The following TTLL5 variants were observed in gnomAD, a reference collection of about 807,000 sequenced individuals.
TTLL5 encodes tubulin tyrosine ligase like 5.
A neutral mutation model predicts 168.4 loss-of-function variants in TTLL5; 132 were observed. The ratio of observed to expected loss-of-function variants is 0.78; its 90% CI spans 0.68 to 0.91. The LOEUF is 0.91. TTLL5 is among the 40% of genes least tolerant of loss of function. The pLI, the probability that TTLL5 is intolerant of heterozygous loss-of-function variation, is 0.00. For missense variants in TTLL5, 1,545 were observed against 1,581.5 expected (o/e 0.98, Z 0.39); for synonymous variants, 546 against 558.6 (o/e 0.98, Z 0.32).
chr14:75,844,156 C>T (rs913064918), intron 28 of TTLL5, among the ~76,000 whole-genome samples: 2 of 152,146 alleles, frequency 1.3e-5, no homozygotes, highest in Non-Finnish European at 2.9e-5. Flanking sequence ...GCTGGGATTA[C>T]AGACGTGAGC....
At chr14:75,925,896 G>A (rs542147983) in intron 31 of TTLL5, among the ~76,000 whole-genome samples, 3 of 151,990 alleles carry the variant, frequency 2.0e-5, no homozygotes, top group Non-Finnish European at 4.4e-5. Context: ...AAAAAAGTAC[G>A]AAAACCAGTC....
intron 31 of TTLL5, among the ~76,000 whole-genome samples, chr14:75,911,987 G>T (rs1325561649): frequency 6.6e-6 from 1 of 152,216 alleles, no homozygotes; most frequent in Admixed American, 6.5e-5. Flanking sequence ...TCAGTCTCAA[G>T]AGCCAGACCT....
At chr14:75,944,109 CTCT>C (rs1013928344) in intron 31 of TTLL5, among the ~76,000 whole-genome samples, 1 of 152,148 alleles carries the variant, frequency 6.6e-6, no homozygotes, top group Non-Finnish European at 1.5e-5. Flanking sequence ...TTGCCTTGGT[CTCT>C]TCTTCTGCCT....
intron 28 of TTLL5, among the ~76,000 whole-genome samples, chr14:75,834,157 A>T (rs1338476441): frequency 1.3e-5 from 2 of 152,216 alleles, no homozygotes; most frequent in African/African-American, 4.8e-5. Context: ...AACAAGCTAA[A>T]TCAGAGGAAA....
chr14:75,864,973 A>G (rs2030384801), intron 29 of TTLL5, among the ~76,000 whole-genome samples: 1 of 152,208 alleles, frequency 6.6e-6, no homozygotes, highest in South Asian at 2.1e-4. Context: ...TAGTTCATCA[A>G]TTGATCATCT....
At chr14:75,921,185 C>G (rs2140138697) in intron 31 of TTLL5, among the ~76,000 whole-genome samples, 1 of 152,292 alleles carries the variant, frequency 6.6e-6, no homozygotes, top group East Asian at 1.9e-4. Flanking sequence ...TGCCTGTTCA[C>G]TCTGATGATA....
intron 31 of TTLL5, among the ~76,000 whole-genome samples, chr14:75,951,093 C>T (rs1480365924): frequency 6.6e-6 from 1 of 152,146 alleles, no homozygotes; most frequent in Non-Finnish European, 1.5e-5. Flanking sequence ...CCCATAAACC[C>T]AGCACTTTGG....
Position 75,837,603 on chromosome 14 carries a change from T to G in TTLL5, c.3326+17442T>G, listed in dbSNP as rs1338486598. On this transcript the variant is annotated intron_variant, in intron 28 of 31. Transcript: ENST00000298832. ...TCATTAAGCAATAACTCTACATTCT[T>G]CCCTCCCCCCAACGCCTGGACACTA... 3.9e-5 allele frequency among the ~76,000 whole-genome samples: 6 copies of G among 152,014 alleles called. No homozygotes were observed. The East Asian group carries it at 1.2e-3, about 29-fold the overall frequency.
intron 12 of TTLL5, among the ~76,000 whole-genome samples, chr14:75,731,011 C>T (rs1014504974): frequency 2.0e-5 from 3 of 152,194 alleles, no homozygotes; most frequent in Non-Finnish European, 2.9e-5. Context: ...AGCCACCATA[C>T]CCGGCCTCAT....
At chr14:75,729,865 TCAGCC>T (rs1888421256) in intron 12 of TTLL5, among the ~76,000 whole-genome samples, 1 of 152,220 alleles carries the variant, frequency 6.6e-6, no homozygotes, top group African/African-American at 2.4e-5. Flanking sequence ...ATATTGGTTC[TCAGCC>T]TGTCAACTGA....
In TTLL5 at chr14:75,771,773, G is replaced by A; in HGVS notation, c.2055G>A (p.Gln685=). The change falls in exon 21 of 32, where the codon CAG becomes CAA. Residue 685 remains glutamine, a synonymous_variant. Transcript: ENST00000298832. ...GAATAGCATTCTCTGCCTATCTCCA[G>A]CATGTTCAAATTCGCCTGATGAAAG... ...QARIAFSAYL[Q]HVQIRLMKDS... 1.9e-6 allele frequency: 3 copies of A among 1,614,068 alleles called. No homozygotes were observed. The South Asian group carries it at 3.3e-5, about 18-fold the overall frequency.
chr14:75,927,115 T>C (rs887080127), intron 31 of TTLL5, among the ~76,000 whole-genome samples: 1 of 152,222 alleles, frequency 6.6e-6, no homozygotes, highest in Non-Finnish European at 1.5e-5. Context: ...TTTGTTTTAA[T>C]TTTTGTGGGT....
At chr14:75,713,655 A>T (rs1029565090) in intron 9 of TTLL5, among the ~76,000 whole-genome samples, 1 of 152,238 alleles carries the variant, frequency 6.6e-6, no homozygotes, top group Non-Finnish European at 1.5e-5. Flanking sequence ...TCACTAACAT[A>T]AATGCTCACA....
At chr14:75,856,294 C>T (rs1294152311) in intron 28 of TTLL5, among the ~76,000 whole-genome samples, 4 of 152,076 alleles carry the variant, frequency 2.6e-5, no homozygotes, top group Admixed American at 2.0e-4. Context: ...ACCCAGGAGG[C>T]GGAAGTTGCA....
intron 26 of TTLL5, among the ~76,000 whole-genome samples, chr14:75,785,321 A>G (rs762139168): frequency 1.3e-4 from 20 of 152,074 alleles, no homozygotes; most frequent in Non-Finnish European, 2.2e-4. Context: ...TTGGGACTAC[A>G]GGCACATGCC....
At chr14:75,877,172 A>G (rs117534870) in intron 29 of TTLL5, among the ~76,000 whole-genome samples, 1 of 152,342 alleles carries the variant, frequency 6.6e-6, no homozygotes, top group East Asian at 1.9e-4. Flanking sequence ...TTCATTCTCA[A>G]AAAATGAATT....
At chr14:75,751,691 G>A (rs774283007) in intron 17 of TTLL5, among the ~76,000 whole-genome samples, 1 of 152,160 alleles carries the variant, frequency 6.6e-6, no homozygotes, top group Non-Finnish European at 1.5e-5. Context: ...AGGAGATATG[G>A]GGAGAAGATA....
intron 29 of TTLL5, among the ~76,000 whole-genome samples, chr14:75,871,984 A>G (rs1428976701): frequency 6.6e-6 from 1 of 152,250 alleles, no homozygotes; most frequent in Non-Finnish European, 1.5e-5. Context: ...CACATAAGAT[A>G]CAGACACGTT....
At chr14:75,675,375 C>T (rs981040123) in intron 3 of TTLL5, among the ~76,000 whole-genome samples, 1 of 152,142 alleles carries the variant, frequency 6.6e-6, no homozygotes, top group Non-Finnish European at 1.5e-5. Context: ...TTTCATTGCT[C>T]TCTAGGTACT....
Sources: allele counts gnomAD v4.1 joint callset (sites outside exome capture counted in the v4.1 genomes callset), GRCh38; gene constraint gnomAD v4.1.1; transcripts MANE v1.5; gene names NCBI Gene and HGNC (gene_info 2026-07-23, HGNC 2026-07-21).